The following NAT10 variants were observed in gnomAD, a reference collection of about 807,000 sequenced individuals.
The protein encoded by NAT10 is N-acetyltransferase 10.
A neutral mutation model predicts 132.2 loss-of-function variants in NAT10; 109 were observed. The ratio of observed to expected loss-of-function variants is 0.82; its 90% CI spans 0.71 to 0.97. NAT10 has a LOEUF of 0.97. Ranked by LOEUF, NAT10 falls within the 50% of genes least tolerant of loss-of-function variation. The pLI, the probability that NAT10 is intolerant of heterozygous loss-of-function variation, is 0.00. For missense variants in NAT10, 1,184 were observed against 1,263.4 expected (o/e 0.94, Z 0.95); for synonymous variants, 479 against 478.0 (o/e 1.00, Z -0.03).
chr11:34,109,816 G>A (rs1851661307), intron 3 of NAT10, among the ~76,000 whole-genome samples: 1 of 152,178 alleles, frequency 6.6e-6, no homozygotes. Context: ...TCTGCTCTAT[G>A]CAGACCAACT....
intron 3 of NAT10, 104 bp from the exon 4 acceptor site, chr11:34,111,948 C>A: frequency 7.3e-7 from 1 of 1,362,506 alleles, no homozygotes; most frequent in South Asian, 1.4e-5. Context: ...TCCCTACTAG[C>A]TCTGAAAGTC....
At chr11:34,140,337 T>G in intron 23 of NAT10, 63 bp from the exon 24 acceptor site, 1 of 1,493,364 alleles carries the variant, frequency 6.7e-7, no homozygotes, top group Admixed American at 1.8e-5. Flanking sequence ...GCCTGGGGGC[T>G]GTGTGCTATC....
chr11:34,131,392 T>C lies in NAT10; in HGVS notation c.1381T>C (p.Tyr461His), dbSNP rs2957516. 1,613,189 of 1,613,908 alleles carry C rather than the reference T, an allele frequency of 1. 806,242 individuals are homozygous for C. Among genetic ancestry groups the C allele is most frequent in the East Asian group, 1 (44,872 of 44,872 alleles). Residue 461 changes from tyrosine to histidine, a missense_variant, in exon 14 of 29, where the codon TAT becomes CAT. By Grantham distance (83) the Tyr-to-His change is moderately conservative. Transcript: ENST00000257829. ...TARLASARTL[Y>H]EVSLQESIRY... is the part of the protein sequence containing the mutation. ...ATTGTGGGGAGCAGCGCGGACACTG[T>C]ATGAGGTTTCCCTCCAGGAGTCAAT... is the stretch of plus-strand genomic sequence containing the variant.
chr11:34,112,267 G>C (rs1285752219), intron 4 of NAT10, 44 bp downstream of exon 4: 2 of 1,611,066 alleles, frequency 1.2e-6, no homozygotes, highest in African/African-American at 2.7e-5. Context: ...AGAGTCTTGA[G>C]GGTTGCTTGG....
At chr11:34,107,886 T>C (rs1851622700) in intron 1 of NAT10, among the ~76,000 whole-genome samples, 1 of 152,220 alleles carries the variant, frequency 6.6e-6, no homozygotes, top group African/African-American at 2.4e-5. Context: ...AAACAAACAA[T>C]GCTTTGGATA....
In NAT10 at chr11:34,134,521, C is replaced by T. The variant is rs1168057255; in HGVS notation, c.1846C>T (p.Pro616Ser). ...TGTGTCTCCCACACAGTTCCAAGAT[C>T]CAGACTTTGGTGGTCTGTCTGGTGG... ...PWTVSEQFQD[P>S]DFGGLSGGRV... Residue 616 changes from proline (P) to serine (S), a missense_variant, in exon 18 of 29, where the codon CCA becomes TCA. Coordinates refer to ENST00000257829, the MANE Select transcript of NAT10 (RefSeq NM_024662.3). 1 of 1,614,162 alleles carries T rather than the reference C, an allele frequency of 6.2e-7. No homozygotes were observed. Among genetic ancestry groups the T allele is most frequent in the Non-Finnish European group, 8.5e-7 (1 of 1,180,034 alleles).
At chr11:34,122,901 G>A (rs554337968) in intron 9 of NAT10, among the ~76,000 whole-genome samples, 2 of 152,310 alleles carry the variant, frequency 1.3e-5, no homozygotes, top group East Asian at 1.9e-4. Context: ...TACAACTCAG[G>A]GCATGAGAAT....
intron 16 of NAT10, 89 bp from the exon 17 acceptor site, chr11:34,134,230 G>A: frequency 9.1e-7 from 1 of 1,101,708 alleles, no homozygotes; most frequent in Non-Finnish European, 1.4e-6. Flanking sequence ...GGAAACAACT[G>A]GCCTAGTTCG....
chr11:34,134,004 A>T (rs1305512415), intron 16 of NAT10, among the ~76,000 whole-genome samples: 4 of 151,566 alleles, frequency 2.6e-5, no homozygotes, highest in Non-Finnish European at 5.9e-5. Context: ...AAAAAAAAAA[A>T]ATACAAAAAA....
intron 15 of NAT10, 120 bp from the exon 16 acceptor site, chr11:34,132,903 TCTG>T (rs1167553313): frequency 1.3e-6 from 1 of 759,848 alleles, no homozygotes; most frequent in Non-Finnish European, 2.3e-6. Flanking sequence ...TTGCTGGACT[TCTG>T]CTCCTCACTT....
rs1565118778 is a variant in NAT10 at position 34,139,185 on chromosome 11, G to A, written c.2212-6G>A. 1.2e-6 allele frequency: 2 copies of A among 1,612,954 alleles called. No homozygotes were observed. Among genetic ancestry groups the A allele is most frequent in the Non-Finnish European group, 8.5e-7 (1 of 1,179,162 alleles). ...TTGGTGCCAGTTAAACCTCTGTGTT[G>A]CCCAGAATGACCTGACCGGAGAGCA... On this transcript the variant is annotated splice_polypyrimidine_tract_variant and splice_region_variant and intron_variant, in intron 21 of 28. Coordinates refer to ENST00000257829, the MANE Select transcript of NAT10 (RefSeq NM_024662.3).
chr11:34,146,003 C>T (rs1045125863), intron 28 of NAT10, 81 bp from the exon 29 acceptor site: 12 of 1,037,832 alleles, frequency 1.2e-5, no homozygotes, highest in Non-Finnish European at 1.5e-5. Flanking sequence ...CCCTTTTTGA[C>T]AAAGCAAAGC....
intron 27 of NAT10, among the ~76,000 whole-genome samples, chr11:34,143,006 C>T (rs142246598): frequency 1.9e-4 from 29 of 152,264 alleles, no homozygotes; most frequent in African/African-American, 6.5e-4. Context: ...CTTGATTTGC[C>T]AGGACTGCTA....
chr11:34,127,540 C>T lies in NAT10; in HGVS notation c.1185C>T (p.Leu395=). ...VVIDEAAAIP[L]PLVKSLLGPY... ...TTGATGAAGCTGCCGCCATCCCCCT[C>T]CCCTTGGTGAAGAGCCTACTTGGCC... The change falls in exon 12 of 29, where the codon CTC becomes CTT. Residue 395 remains leucine (L), a synonymous_variant. Transcript: ENST00000257829. The T allele has an allele frequency of 1.2e-6, 2 of 1,614,164 alleles. No homozygotes were observed. Among genetic ancestry groups the T allele is most frequent in the Non-Finnish European group, 1.7e-6 (2 of 1,180,000 alleles).
chr11:34,108,115 A>G (rs980161605), intron 1 of NAT10, 96 bp from the exon 2 acceptor site: 4 of 751,494 alleles, frequency 5.3e-6, no homozygotes, highest in Admixed American at 4.3e-5. Context: ...ACTTATAGAT[A>G]TGCCTAGCAC....
In NAT10 at chr11:34,141,824, C is replaced by T; in HGVS notation, c.2811+7C>T. 17 of 1,611,922 alleles carry T rather than the reference C, an allele frequency of 1.1e-5. No homozygotes were observed. Among genetic ancestry groups the T allele is most frequent in the Non-Finnish European group, 1.4e-5 (17 of 1,178,748 alleles). Reference sequence around the variant, plus strand: ...GACCCTCAGTGACGACCTAGTATGTCCCTGCTCATGGCCTCGGGAGTCCCA... The same window carrying T: ...GACCCTCAGTGACGACCTAGTATGTTCCTGCTCATGGCCTCGGGAGTCCCA... On this transcript the variant is annotated splice_region_variant and intron_variant, in intron 26 of 28. Coordinates refer to ENST00000257829, the MANE Select transcript of NAT10 (RefSeq NM_024662.3).
In NAT10 at chr11:34,111,932, T is replaced by C. The variant is rs1180110932; in HGVS notation, c.201-120T>C. The stretch of plus-strand genomic sequence containing the variant: ...TCCACCTGAAGTGGGCCTCACACTT[T>C]CAAGTTCCCTACTAGCTCTGAAAGT... On this transcript the variant is annotated intron_variant, in intron 3 of 28. Transcript: ENST00000257829. 4.9e-6 allele frequency: 6 copies of C among 1,226,278 alleles called. No individual in the cohort carries two copies. The Admixed American group carries it at 1.4e-4, about 28-fold the overall frequency. 76.0% of individuals were successfully genotyped at this position (1,226,278 alleles called of 1,614,324 possible). A position where few individuals can be genotyped will look rare whatever the true frequency, so the allele number is the denominator to read the frequency against.
intron 23 of NAT10, among the ~76,000 whole-genome samples, 161 bp from the exon 24 acceptor site, chr11:34,140,239 G>T (rs144358681): frequency 2.0e-5 from 3 of 152,334 alleles, no homozygotes; most frequent in African/African-American, 7.2e-5. Flanking sequence ...CCCCTTCTAT[G>T]GCAGGAGCAG....
intron 9 of NAT10, 29 bp from the exon 10 acceptor site, chr11:34,123,733 A>G (rs2132952205): frequency 6.7e-7 from 1 of 1,481,726 alleles, no homozygotes; most frequent in African/African-American, 1.4e-5. Context: ...CTAATTTCTT[A>G]AAAATCCTTC....
Sources: allele counts gnomAD v4.1 joint callset (sites outside exome capture counted in the v4.1 genomes callset), GRCh38; gene constraint gnomAD v4.1.1; transcripts MANE v1.5; gene names NCBI Gene and HGNC (gene_info 2026-07-23, HGNC 2026-07-21).